The following PMFBP1 variants were observed in gnomAD, a reference collection of about 807,000 sequenced individuals.
PMFBP1 encodes the protein polyamine modulated factor 1 binding protein 1.
In PMFBP1, 131 loss-of-function variants were observed where a neutral mutation model predicts 137.8. The ratio of observed to expected loss-of-function variants is 0.95; its 90% CI spans 0.82 to 1.10. PMFBP1 has a LOEUF of 1.10. Ranked by LOEUF, PMFBP1 falls within the 50% of genes least tolerant of loss-of-function variation. The pLI is 0.00. For missense variants in PMFBP1, 1,199 were observed against 1,175.4 expected, an observed-to-expected ratio of 1.02 and a Z score of -0.29; for synonymous variants, 490 against 450.4, an observed-to-expected ratio of 1.09 and a Z score of -1.11.
chr16:72,130,328 A>G lies in PMFBP1; in HGVS notation c.1667T>C (p.Leu556Pro). The change falls in exon 12 of 21, where the codon CTC (leucine) becomes CCC (proline). Residue 556 changes from leucine (L) to proline (P), a missense_variant. Physicochemically the swap from Leu to Pro is moderately conservative, Grantham distance 98. Transcript: ENST00000237353. ...TTCAAGCTTCCTCAGGGCTTCAGAG[A>G]GTTCTAATGACAGCTCCTCCACCCG... ...RKRVEELSLE[L>P]SEALRKLENS... is the part of the protein sequence containing the mutation. 6.2e-7 allele frequency: 1 copy of G among 1,614,142 alleles called. No individual in the cohort carries two copies. Among genetic ancestry groups the G allele is most frequent in the Non-Finnish European group, 8.5e-7 (1 of 1,180,022 alleles).
intron 2 of PMFBP1, among the ~76,000 whole-genome samples, chr16:72,170,503 C>T (rs1300316385): frequency 6.6e-6 from 1 of 152,140 alleles, no homozygotes. Context: ...GATCATGGCT[C>T]ACTGCAGCTT....
intron 5 of PMFBP1, among the ~76,000 whole-genome samples, chr16:72,149,037 G>A (rs1052432477): frequency 6.6e-6 from 1 of 152,154 alleles, no homozygotes; most frequent in Admixed American, 6.5e-5. Context: ...ATCGCAGCTC[G>A]ACTTCTTCCT....
In PMFBP1 at chr16:72,152,215, T is replaced by C. The variant is rs551154259; in HGVS notation, c.415-1386A>G. ...TTTGATGAGGCTGTGCAACAAGACA[T>C]TGGGGGAACTTGGCAGAATGTCTAA... On this transcript the variant is annotated intron_variant, in intron 4 of 20. Coordinates refer to ENST00000237353, the MANE Select transcript of PMFBP1 (RefSeq NM_031293.3). Among the ~76,000 whole-genome samples, 15 of 152,202 alleles carry C rather than the reference T, an allele frequency of 9.9e-5. No homozygotes were observed. The East Asian group carries it at 2.7e-3, about 27-fold the overall frequency.
At chr16:72,208,898 C>T in the PMFBP1 span, among the ~76,000 whole-genome samples, 1 of 152,192 alleles carries the variant, frequency 6.6e-6, no homozygotes, top group East Asian at 1.9e-4. Context: ...TTGCATTGGT[C>T]CCCATCTGAT....
intron 4 of PMFBP1, among the ~76,000 whole-genome samples, chr16:72,153,400 T>C (rs2042932284): frequency 6.6e-6 from 1 of 152,182 alleles, no homozygotes; most frequent in Admixed American, 6.5e-5. Flanking sequence ...TTTTTTTTCT[T>C]CTCCGTCCTT....
Position 72,136,698 on chromosome 16 carries a change from A to G in PMFBP1, c.1040T>C (p.Met347Thr). The change falls in exon 8 of 21, where the codon ATG becomes ACG. Residue 347 changes from methionine to threonine, a missense_variant. Physicochemically the swap from Met to Thr is moderately conservative, Grantham distance 81 (BLOSUM62 -1). Coordinates refer to ENST00000237353, the MANE Select transcript of PMFBP1 (RefSeq NM_031293.3). ...AGCCTGCAGCCCCAGTTTACCCTTC[A>G]TGATGTTTCTCTTCTGTTCCGACAC... ...EAVSEQKRNI[M>T]KDMMKLELDL... 1 of 1,613,792 alleles carries G rather than the reference A, an allele frequency of 6.2e-7. No individual in the cohort carries two copies. The highest frequency in any genetic ancestry group is 8.5e-7 in the Non-Finnish European group (1 of 1,179,926).
chr16:72,139,307 C>T lies in PMFBP1; in HGVS notation c.900G>A (p.Glu300=), dbSNP rs1264517665. 8 of 1,613,804 alleles carry T rather than the reference C, an allele frequency of 5.0e-6. No individual in the cohort carries two copies. The highest frequency in any genetic ancestry group is 1.1e-5 in the South Asian group (1 of 91,062). The part of the protein sequence containing the change: ...THRYPPSSSE[E]CEDIKKILKH... ...CTCCCACCTTTTTGATGTCTTCACA[C>T]TCTTCTGAGGAGCTAGGAGGGTATC... The change falls in exon 7 of 21, where the codon GAG becomes GAA. Residue 300 remains glutamate (E), a synonymous_variant. Coordinates refer to ENST00000237353, the MANE Select transcript of PMFBP1 (RefSeq NM_031293.3).
intron 5 of PMFBP1, among the ~76,000 whole-genome samples, chr16:72,145,511 G>A (rs1039008590): frequency 1.3e-5 from 2 of 152,062 alleles, no homozygotes; most frequent in African/African-American, 4.8e-5. Context: ...GCTAGCAGAA[G>A]ACAAGAAATA....
intron 2 of PMFBP1, among the ~76,000 whole-genome samples, chr16:72,165,994 G>C (rs1285716698): frequency 6.6e-6 from 1 of 152,160 alleles, no homozygotes; most frequent in East Asian, 1.9e-4. Flanking sequence ...GGTGTGAAAA[G>C]GAAGGTGGAA....
chr16:72,229,767 G>A, the PMFBP1 span, among the ~76,000 whole-genome samples: 1 of 152,116 alleles, frequency 6.6e-6, no homozygotes, highest in Non-Finnish European at 1.5e-5. Context: ...TCTCTCCTGT[G>A]TCCATTAGGG....
chr16:72,117,087 T>C (rs2042315899), downstream of PMFBP1, among the ~76,000 whole-genome samples: 1 of 151,688 alleles, frequency 6.6e-6, no homozygotes, highest in Admixed American at 6.6e-5. Context: ...ATTGAATCTG[T>C]AGATCACTTT....
At chr16:72,245,857 T>C in the PMFBP1 span, among the ~76,000 whole-genome samples, 1 of 152,238 alleles carries the variant, frequency 6.6e-6, no homozygotes, top group Non-Finnish European at 1.5e-5. Context: ...TACACTTGTA[T>C]TTGAACACCC....
the PMFBP1 span, among the ~76,000 whole-genome samples, chr16:72,213,069 C>T: frequency 1.3e-5 from 2 of 152,156 alleles, no homozygotes; most frequent in Admixed American, 1.3e-4. Flanking sequence ...TACAGATGTG[C>T]TCTCCTAAAA....
chr16:72,139,337 G>A lies in PMFBP1; in HGVS notation c.870C>T (p.Thr290=). 6.2e-7 allele frequency: 1 copy of A among 1,614,138 alleles called. No individual in the cohort carries two copies. The highest frequency in any genetic ancestry group is 8.5e-7 in the Non-Finnish European group (1 of 1,180,018). Reference sequence around the variant, plus strand: ...CTGAGGAGCTAGGAGGGTATCTGTGGGTGGCTGTACAGGAAGCAAAATCGG... The same window carrying A: ...CTGAGGAGCTAGGAGGGTATCTGTGAGTGGCTGTACAGGAAGCAAAATCGG... ...LQADFASCTA[T]HRYPPSSSEE... Residue 290 remains threonine, a synonymous_variant, in exon 7 of 21, where the codon ACC becomes ACT. Coordinates refer to ENST00000237353, the MANE Select transcript of PMFBP1 (RefSeq NM_031293.3).
chr16:72,129,361 A>G, intron 12 of PMFBP1, 128 bp from the exon 13 acceptor site: 1 of 1,067,136 alleles, frequency 9.4e-7, no homozygotes, highest in Non-Finnish European at 1.3e-6. Flanking sequence ...TATATAGCAT[A>G]TGTAAAATAA....
At chr16:72,238,267 A>T in the PMFBP1 span, among the ~76,000 whole-genome samples, 2 of 152,232 alleles carry the variant, frequency 1.3e-5, no homozygotes, top group Non-Finnish European at 2.9e-5. Flanking sequence ...CACTTCCACC[A>T]ACAGGGTATA....
chr16:72,122,524 A>G (rs1424171446), intron 19 of PMFBP1, among the ~76,000 whole-genome samples: 2 of 152,148 alleles, frequency 1.3e-5, no homozygotes, highest in Admixed American at 6.5e-5. Flanking sequence ...TGGCCTGCTC[A>G]CCTGATGATT....
rs369954043 is a variant in PMFBP1, at chr16:72,124,928, C to G, written c.2428G>C (p.Ala810Pro). 3 of 1,613,710 alleles carry G rather than the reference C, an allele frequency of 1.9e-6. No individual in the cohort carries two copies. Among genetic ancestry groups the G allele is most frequent in the South Asian group, 2.2e-5 (2 of 91,024 alleles). The change falls in exon 17 of 21, where the codon GCC becomes CCC. Residue 810 changes from alanine to proline, a missense_variant. By Grantham distance (27) the Ala-to-Pro change is conservative (BLOSUM62 -1). Transcript: ENST00000237353. ...ATCTCCTCTAGCTTCTTGTCAAAGGCGTGCACCTACTCAGGAGAGCAAAGT... is the reference window on the plus strand; with the variant it reads ...ATCTCCTCTAGCTTCTTGTCAAAGGGGTGCACCTACTCAGGAGAGCAAAGT... Reference protein sequence around the residue: ...FHQESELEVHAFDKKLEEMSC... With the variant: ...FHQESELEVHPFDKKLEEMSC...
chr16:72,147,832 T>A lies in PMFBP1; in HGVS notation c.636+2776A>T, dbSNP rs140543674. Among the ~76,000 whole-genome samples, 87 of 152,244 alleles carry A rather than the reference T, an allele frequency of 5.7e-4. 3 individuals carry two copies. The East Asian group carries it at 0.013, about 23-fold the overall frequency. On this transcript the variant is annotated intron_variant, in intron 5 of 20. Coordinates refer to ENST00000237353, the MANE Select transcript of PMFBP1 (RefSeq NM_031293.3). ...AAAACCACAATGAGATACCATCTCA[T>A]GCCAGTTAGAATGGTGATCATTAAA...
Sources: gnomAD v4.1 joint callset for allele counts (sites outside exome capture counted in the v4.1 genomes callset) on GRCh38, gnomAD v4.1.1 for gene constraint, MANE v1.5 for transcripts, NCBI Gene and HGNC (gene_info 2026-07-23, HGNC 2026-07-21) for gene names.